The following MAGI2 variants were observed in gnomAD, a reference collection of about 807,000 sequenced individuals.
MAGI2 encodes membrane associated guanylate kinase, WW and PDZ domain containing 2, also known as membrane-associated guanylate kinase, WW and PDZ domain-containing protein 2.
A neutral mutation model predicts 133.3 loss-of-function variants in MAGI2; 35 were observed. The ratio of observed to expected loss-of-function variants is 0.26; its 90% CI spans 0.20 to 0.35. The LOEUF (loss-of-function observed/expected upper bound fraction) is 0.35. Among genes scored for constraint, MAGI2 ranks in the 10% least tolerant of loss-of-function variants. The pLI, the probability that MAGI2 is intolerant of heterozygous loss-of-function variation, is 1.00. For missense variants in MAGI2, 1,636 were observed against 1,863.4 expected, an observed-to-expected ratio of 0.88 and a Z score of 2.25; for synonymous variants, 729 against 710.6, an observed-to-expected ratio of 1.03 and a Z score of -0.41.
intron 13 of MAGI2, among the ~76,000 whole-genome samples, chr7:78,181,726 C>T (rs887046616): frequency 2.6e-5 from 4 of 152,202 alleles, no homozygotes; most frequent in Non-Finnish European, 4.4e-5. Flanking sequence ...ATTCTGGGCT[C>T]ACACCAATAT....
At chr7:78,410,078 G>A (rs541534863) in intron 6 of MAGI2, among the ~76,000 whole-genome samples, 8 of 151,898 alleles carry the variant, frequency 5.3e-5, no homozygotes, top group African/African-American at 1.7e-4. Flanking sequence ...ACGACCCCCG[G>A]GAAAGCTAAA....
At chr7:79,058,915 T>C (rs549072392) in intron 1 of MAGI2, among the ~76,000 whole-genome samples, 3 of 152,220 alleles carry the variant, frequency 2.0e-5, no homozygotes, top group South Asian at 2.1e-4. Flanking sequence ...GGACAAATAA[T>C]AGCATTTACT....
intron 6 of MAGI2, among the ~76,000 whole-genome samples, chr7:78,370,188 T>A (rs1005816508): frequency 6.6e-6 from 1 of 152,120 alleles, no homozygotes; most frequent in African/African-American, 2.4e-5. Context: ...TAACCAGTGT[T>A]AATATTTAGG....
chr7:79,186,341 C>T (rs1399898780), intron 1 of MAGI2, among the ~76,000 whole-genome samples: 3 of 148,496 alleles, frequency 2.0e-5, no homozygotes, highest in Non-Finnish European at 4.5e-5. Flanking sequence ...AAATATTGAT[C>T]ATTGTAGAGA....
intron 16 of MAGI2, among the ~76,000 whole-genome samples, chr7:78,159,383 C>A (rs1163664687): frequency 6.6e-6 from 1 of 152,164 alleles, no homozygotes; most frequent in Non-Finnish European, 1.5e-5. Context: ...AGCATTTAGA[C>A]TCATCTTTTA....
intron 1 of MAGI2, among the ~76,000 whole-genome samples, chr7:79,106,343 T>C (rs1306006989): frequency 2.0e-5 from 3 of 152,178 alleles, no homozygotes; most frequent in Admixed American, 2.0e-4. Context: ...AAGGAATTTT[T>C]GTGCATGTAT....
intron 9 of MAGI2, among the ~76,000 whole-genome samples, chr7:78,301,215 A>G (rs936689688): frequency 6.6e-6 from 1 of 152,198 alleles, no homozygotes; most frequent in Admixed American, 6.5e-5. Context: ...AAGATGCCAG[A>G]CATAAAAGCA....
intron 11 of MAGI2, among the ~76,000 whole-genome samples, chr7:78,200,476 T>C (rs1050326741): frequency 1.3e-5 from 2 of 152,182 alleles, no homozygotes; most frequent in African/African-American, 2.4e-5. Flanking sequence ...AGATCTCCAG[T>C]ATCTGAAGAA....
At chr7:79,204,742 G>T (rs1828895230) in intron 1 of MAGI2, among the ~76,000 whole-genome samples, 1 of 151,578 alleles carries the variant, frequency 6.6e-6, no homozygotes, top group African/African-American at 2.4e-5. Flanking sequence ...AACACTAAGT[G>T]ACCAGATGAA....
chr7:78,363,513 TA>T (rs1261738006), intron 7 of MAGI2, among the ~76,000 whole-genome samples: 1 of 33,222 alleles, frequency 3.0e-5, no homozygotes, highest in Non-Finnish European at 8.7e-5. Context: ...ATAATAATGA[TA>T]ATAATAATAA....
At chr7:78,893,052 A>T (rs1796900645) in intron 2 of MAGI2, among the ~76,000 whole-genome samples, 1 of 152,086 alleles carries the variant, frequency 6.6e-6, no homozygotes, top group African/African-American at 2.4e-5. Context: ...AAACAACCCC[A>T]TCAAAAAGTG....
At chr7:79,192,216 T>C (rs1231338442) in intron 1 of MAGI2, among the ~76,000 whole-genome samples, 1 of 151,926 alleles carries the variant, frequency 6.6e-6, no homozygotes, top group Non-Finnish European at 1.5e-5. Flanking sequence ...TCAGCAAGTT[T>C]ATTTATTTTT....
intron 2 of MAGI2, among the ~76,000 whole-genome samples, chr7:78,717,937 G>A (rs571812727): frequency 1.1e-4 from 17 of 152,238 alleles, no homozygotes; most frequent in Non-Finnish European, 1.5e-4. Flanking sequence ...TACTGACTTC[G>A]TTTTCTACAA....
rs181573448 is a variant in MAGI2, at chr7:78,081,732, A to T, written c.3568-2647T>A. 5.3e-5 allele frequency among the ~76,000 whole-genome samples: 8 copies of T among 152,240 alleles called. No homozygotes were observed. The East Asian group carries it at 1.5e-3, about 29-fold the overall frequency. Reference sequence around the variant, plus strand: ...GCAATGGCAAGGCACTAAAAAGTTAAGCATGGGGTAACCTGACCGGGGAAG... The same window carrying T: ...GCAATGGCAAGGCACTAAAAAGTTATGCATGGGGTAACCTGACCGGGGAAG... On this transcript the variant is annotated intron_variant, in intron 20 of 21. Coordinates refer to ENST00000354212, the MANE Select transcript of MAGI2 (RefSeq NM_012301.4).
In MAGI2 at chr7:78,430,923, G is replaced by C. The variant is rs547431422; in HGVS notation, c.1045+58838C>G. Among the ~76,000 whole-genome samples, 50 of 152,228 alleles carry C rather than the reference G, an allele frequency of 3.3e-4. 1 individual carries two copies. Among genetic ancestry groups the C allele is most frequent in the Admixed American group, 1.2e-3 (18 of 15,262 alleles). On this transcript the variant is annotated intron_variant, in intron 6 of 21. Transcript: ENST00000354212. ...ACTAGTGAAAGCCAGAAATTCCTGA[G>C]AGAAAGTTCCATCAAGTTCAATGTG...
chr7:78,073,319 C>T (rs1461831525), intron 21 of MAGI2, among the ~76,000 whole-genome samples: 2 of 151,824 alleles, frequency 1.3e-5, no homozygotes, highest in Non-Finnish European at 2.9e-5. Flanking sequence ...TGTTTCTCCC[C>T]CTTGGTGTGG....
chr7:79,184,765 A>G (rs1826922830), intron 1 of MAGI2, among the ~76,000 whole-genome samples: 1 of 151,990 alleles, frequency 6.6e-6, no homozygotes, highest in Admixed American at 6.6e-5. Flanking sequence ...GATTCTATCA[A>G]AGTTTTGTAA....
intron 2 of MAGI2, among the ~76,000 whole-genome samples, chr7:78,934,606 G>A (rs1414202992): frequency 3.3e-5 from 5 of 152,072 alleles, no homozygotes; most frequent in Non-Finnish European, 7.4e-5. Flanking sequence ...GTTTCATGCA[G>A]AAAATTATTA....
chr7:78,976,327 T>C (rs1324049754), intron 2 of MAGI2, among the ~76,000 whole-genome samples: 1 of 151,384 alleles, frequency 6.6e-6, no homozygotes, highest in Admixed American at 6.6e-5. Flanking sequence ...GAGAAGAAAA[T>C]CTATGATATC....
Sources: gnomAD v4.1 joint callset for allele counts (sites outside exome capture counted in the v4.1 genomes callset) on GRCh38, gnomAD v4.1.1 for gene constraint, MANE v1.5 for transcripts, NCBI Gene and HGNC (gene_info 2026-07-23, HGNC 2026-07-21) for gene names.